Variants in BTRC observed in about 807,000 individuals in gnomAD.
The protein encoded by BTRC is beta-transducin repeat containing E3 ubiquitin protein ligase, also known as F-box/WD repeat-containing protein 1A.
A neutral mutation model predicts 85.5 loss-of-function variants in BTRC; 42 were observed. That is an observed-to-expected ratio of 0.49 (90% confidence interval 0.38 to 0.64). BTRC has a LOEUF of 0.64. BTRC is among the 30% of genes least tolerant of loss of function. The pLI, the probability that BTRC is intolerant of heterozygous loss-of-function variation, is 0.00. For synonymous variants in BTRC, 255 were observed against 263.3 expected, an observed-to-expected ratio of 0.97 and a Z score of 0.30; for missense variants, 594 against 743.5, an observed-to-expected ratio of 0.80 and a Z score of 2.34.
At chr10:101,371,905 A>G (rs942280720) in intron 1 of BTRC, among the ~76,000 whole-genome samples, 4 of 152,160 alleles carry the variant, frequency 2.6e-5, no homozygotes, top group African/African-American at 7.2e-5. Context: ...CACACCTCAC[A>G]CATGAGGCTG....
chr10:101,497,317 A>G (rs945820111), intron 4 of BTRC, among the ~76,000 whole-genome samples: 1 of 152,220 alleles, frequency 6.6e-6, no homozygotes, highest in African/African-American at 2.4e-5. Context: ...TATAAATTTT[A>G]GAATCGCCAA....
At chr10:101,375,133 T>C (rs1942756101) in intron 1 of BTRC, among the ~76,000 whole-genome samples, 1 of 152,206 alleles carries the variant, frequency 6.6e-6, no homozygotes, top group African/African-American at 2.4e-5. Context: ...TGTCTAATTA[T>C]AATCCCCAGT....
chr10:101,414,513 GTTAT>G, intron 1 of BTRC: 1 of 347,690 alleles, frequency 2.9e-6, no homozygotes, highest in Non-Finnish European at 5.6e-6. Flanking sequence ...ATTTTTTATT[GTTAT>G]TTTAGAGTGG....
At chr10:101,364,938 CTATT>C (rs1178150868) in intron 1 of BTRC, 1 of 151,470 alleles carries the variant, frequency 6.6e-6, no homozygotes, top group Non-Finnish European at 1.5e-5. Flanking sequence ...CTCCAAAAAT[CTATT>C]TAATATATTG....
At chr10:101,366,919 T>TATATATAA (rs1564730282) in intron 1 of BTRC, among the ~76,000 whole-genome samples, 13 of 4,878 alleles carry the variant, frequency 2.7e-3, no homozygotes, top group African/African-American at 4.1e-3. Flanking sequence ...AATATATATT[T>TATATATAA]ATATATATTT....
chr10:101,366,884 A>ATATTTATC (rs1942422713), intron 1 of BTRC, among the ~76,000 whole-genome samples: 1 of 27,652 alleles, frequency 3.6e-5, no homozygotes. Flanking sequence ...ATATTTATAT[A>ATATTTATC]TATTTATATA....
intron 1 of BTRC, among the ~76,000 whole-genome samples, chr10:101,423,544 C>T (rs2134060737): frequency 6.6e-6 from 1 of 152,250 alleles, no homozygotes. Context: ...AGTAGTTTAT[C>T]TCCTTGAAAT....
chr10:101,497,926 A>C (rs1946305268), intron 4 of BTRC, among the ~76,000 whole-genome samples: 1 of 151,462 alleles, frequency 6.6e-6, no homozygotes, highest in South Asian at 2.1e-4. Context: ...AGGCTGAGGC[A>C]GGAGAATTGC....
At chr10:101,487,645 A>C (rs1946024382) in intron 4 of BTRC, among the ~76,000 whole-genome samples, 1 of 152,212 alleles carries the variant, frequency 6.6e-6, no homozygotes, top group Non-Finnish European at 1.5e-5. Context: ...CAGGTAATCC[A>C]TCTTTGGACT....
At chr10:101,364,539 C>G (rs1332176400) in intron 1 of BTRC, among the ~76,000 whole-genome samples, 1 of 152,154 alleles carries the variant, frequency 6.6e-6, no homozygotes, top group Non-Finnish European at 1.5e-5. Flanking sequence ...CTTAAGGTTG[C>G]AAAGATCAGG....
At chr10:101,528,566 T>A (rs913146895) in intron 6 of BTRC, among the ~76,000 whole-genome samples, 1 of 152,174 alleles carries the variant, frequency 6.6e-6, no homozygotes, top group Non-Finnish European at 1.5e-5. Context: ...ATCCTCTTAA[T>A]CCCATGATAA....
At chr10:101,467,389 A>G (rs982989174) in intron 3 of BTRC, among the ~76,000 whole-genome samples, 8 of 150,328 alleles carry the variant, frequency 5.3e-5, no homozygotes, top group African/African-American at 2.0e-4. Context: ...GTATTGAGTA[A>G]TTAGAAGGTA....
At chr10:101,389,116 TGTG>T (rs377208510) in intron 1 of BTRC, among the ~76,000 whole-genome samples, 6,985 of 53,678 alleles carry the variant, frequency 0.13, 891 homozygotes, top group Non-Finnish European at 0.16. Context: ...ATTTTTTGTG[TGTG>T]TTTTTTTTTT....
chr10:101,397,219 A>G (rs1216947151), intron 1 of BTRC, among the ~76,000 whole-genome samples: 1 of 152,226 alleles, frequency 6.6e-6, no homozygotes. Context: ...CAATCCTAAA[A>G]TAAAGTTGTT....
intron 1 of BTRC, among the ~76,000 whole-genome samples, chr10:101,373,671 A>C (rs1011548496): frequency 6.6e-6 from 1 of 152,166 alleles, no homozygotes; most frequent in African/African-American, 2.4e-5. Flanking sequence ...TAATCCCAGC[A>C]CTTTGGGAGG....
rs1055687956 is a variant in BTRC, at chr10:101,553,758, T to C, written c.*635T>C. 4 of 152,992 alleles carry C rather than the reference T, an allele frequency of 2.6e-5. No individual in the cohort carries two copies. Among genetic ancestry groups the C allele is most frequent in the African/African-American group, 7.2e-5 (3 of 41,460 alleles). The allele number at this position is 152,992 out of a possible 1,614,324, so 9.5% of individuals were successfully genotyped here. On this transcript the variant is annotated 3_prime_UTR_variant, in exon 15 of 15. Transcript: ENST00000370187. ...ATTTGGGCCTCCTGCCTGCCTTCTCTTTGTTTCTGTTCCTCTTCCCATCTA... is the reference window on the plus strand; with the variant it reads ...ATTTGGGCCTCCTGCCTGCCTTCTCCTTGTTTCTGTTCCTCTTCCCATCTA...
intron 4 of BTRC, among the ~76,000 whole-genome samples, chr10:101,495,150 G>A (rs1416555270): frequency 3.3e-5 from 5 of 152,160 alleles, no homozygotes; most frequent in Non-Finnish European, 7.3e-5. Context: ...AATACTACAG[G>A]TACAGTGGTT....
intron 2 of BTRC, among the ~76,000 whole-genome samples, chr10:101,461,028 G>A (rs776816147): frequency 3.3e-5 from 5 of 151,852 alleles, no homozygotes; most frequent in South Asian, 2.1e-4. Context: ...TCAGACTCTC[G>A]AGTAGCTGGG....
chr10:101,389,590 A>G (rs1244751936), intron 1 of BTRC, among the ~76,000 whole-genome samples: 1 of 144,294 alleles, frequency 6.9e-6, no homozygotes, highest in Non-Finnish European at 1.5e-5. Flanking sequence ...GTCAAGTTAC[A>G]CTGGCCTTTT....
Sources: allele counts gnomAD v4.1 joint callset (sites outside exome capture counted in the v4.1 genomes callset), GRCh38; gene constraint gnomAD v4.1.1; transcripts MANE v1.5; gene names NCBI Gene and HGNC (gene_info 2026-07-23, HGNC 2026-07-21).